Variants in DLG1 observed in about 807,000 individuals in gnomAD.
DLG1 encodes discs large MAGUK scaffold protein 1.
DLG1 carries 42 observed loss-of-function variants against 123.4 expected under a neutral mutation model. The ratio of observed to expected loss-of-function variants is 0.34; its 90% confidence interval spans 0.27 to 0.44. DLG1 has a LOEUF of 0.44. Ranked by LOEUF, DLG1 falls within the 20% of genes least tolerant of loss-of-function variation. DLG1 has a pLI of 1.00. For synonymous variants in DLG1, 317 were observed against 356.2 expected (o/e 0.89, Z 1.24); for missense variants, 942 against 1,082.6 (o/e 0.87, Z 1.82).
chr3:197,112,032 T>A (rs536215560), intron 13 of DLG1, among the ~76,000 whole-genome samples: 1 of 152,344 alleles, frequency 6.6e-6, no homozygotes, highest in East Asian at 1.9e-4. Flanking sequence ...TAAGATTAGA[T>A]GTATGTTTAA....
rs1721009646 is a variant in DLG1 at position 197,042,847 on chromosome 3, T to A, written c.*1776A>T. On this transcript the variant is annotated 3_prime_UTR_variant, in exon 25 of 25. Coordinates refer to ENST00000667157, the MANE Select transcript of DLG1 (RefSeq NM_001366207.1). The stretch of plus-strand genomic sequence containing the variant: ...CTCTTGGATTCGGTTATAAGTTACA[T>A]GATGCCTCAAATTGTTTCAAGAAAA... 1.3e-5 allele frequency: 2 copies of A among 152,162 alleles called. No individual in the cohort carries two copies. Among genetic ancestry groups the A allele is most frequent in the African/African-American group, 4.8e-5 (2 of 41,432 alleles). The allele number at this position is 152,162 out of a possible 1,614,324, so 9.4% of individuals were successfully genotyped here.
chr3:197,251,367 G>C (rs981883096), intron 4 of DLG1, among the ~76,000 whole-genome samples: 1 of 152,086 alleles, frequency 6.6e-6, no homozygotes, highest in African/African-American at 2.4e-5. Flanking sequence ...AACAAAGCTG[G>C]AGGCATCACG....
chr3:197,261,523 A>G (rs1759455971), intron 4 of DLG1, among the ~76,000 whole-genome samples: 1 of 152,230 alleles, frequency 6.6e-6, no homozygotes, highest in Admixed American at 6.5e-5. Flanking sequence ...ATTTTTGTCC[A>G]CAAAGTTTCC....
intron 5 of DLG1, among the ~76,000 whole-genome samples, chr3:197,187,746 A>G (rs937963947): frequency 6.6e-6 from 1 of 152,168 alleles, no homozygotes; most frequent in Non-Finnish European, 1.5e-5. Context: ...CTGTTCTAAC[A>G]ATTTTTCCTA....
intron 6 of DLG1, among the ~76,000 whole-genome samples, chr3:197,143,547 T>C (rs1789154493): frequency 6.6e-6 from 1 of 152,140 alleles, no homozygotes; most frequent in Non-Finnish European, 1.5e-5. Flanking sequence ...TGAGCCACCG[T>C]GCCTGGCAAC....
chr3:197,097,532 G>T (rs1281508853), intron 14 of DLG1, among the ~76,000 whole-genome samples: 1 of 151,044 alleles, frequency 6.6e-6, no homozygotes, highest in Non-Finnish European at 1.5e-5. Context: ...GGGAGAGGAG[G>T]AGTTTTGGGC....
At chr3:197,059,026 C>T (rs568111594) in intron 23 of DLG1, among the ~76,000 whole-genome samples, 2 of 152,150 alleles carry the variant, frequency 1.3e-5, no homozygotes, top group South Asian at 2.1e-4. Context: ...CCTGGGTTCA[C>T]GCCATTCTCC....
At chr3:197,264,022 A>G (rs896743798) in intron 4 of DLG1, among the ~76,000 whole-genome samples, 1 of 152,252 alleles carries the variant, frequency 6.6e-6, no homozygotes, top group Non-Finnish European at 1.5e-5. Context: ...ACCTGTAAGA[A>G]TAAGATGAAA....
intron 10 of DLG1, among the ~76,000 whole-genome samples, chr3:197,133,105 C>T (rs111557627): frequency 3.9e-5 from 6 of 152,290 alleles, no homozygotes; most frequent in African/African-American, 1.4e-4. Context: ...GGTATTCACA[C>T]CCTTGTAAAA....
At chr3:197,296,953 T>TG (rs57644562) in intron 2 of DLG1, 17,242 of 501,894 alleles carry the variant, frequency 0.034, 227 homozygotes, top group African/African-American at 0.058. Flanking sequence ...GGACATCTGT[T>TG]GGGGGGGGGC....
At chr3:197,106,287 T>TC (rs1478224305) in intron 13 of DLG1, among the ~76,000 whole-genome samples, 1 of 152,032 alleles carries the variant, frequency 6.6e-6, no homozygotes. Context: ...GTGCCTGTAG[T>TC]CCCAGCTACT....
chr3:197,272,571 T>G (rs1198150428), intron 4 of DLG1, among the ~76,000 whole-genome samples: 8 of 152,130 alleles, frequency 5.3e-5, no homozygotes, highest in African/African-American at 1.9e-4. Flanking sequence ...GAATGTTCAA[T>G]GCAACACTAA....
chr3:197,227,152 T>A (rs1740371646), intron 4 of DLG1, among the ~76,000 whole-genome samples: 1 of 152,206 alleles, frequency 6.6e-6, no homozygotes, highest in Admixed American at 6.5e-5. Flanking sequence ...AAGTACTACA[T>A]CTATATTGCA....
intron 14 of DLG1, among the ~76,000 whole-genome samples, chr3:197,101,169 C>T (rs946732553): frequency 4.6e-5 from 7 of 152,138 alleles, no homozygotes; most frequent in Non-Finnish European, 7.3e-5. Flanking sequence ...GGTTTTTCTT[C>T]GCTTAAAAGG....
At chr3:197,165,589 C>T (rs1360956954) in intron 5 of DLG1, among the ~76,000 whole-genome samples, 1 of 152,092 alleles carries the variant, frequency 6.6e-6, no homozygotes, top group African/African-American at 2.4e-5. Flanking sequence ...ACTCCAATCA[C>T]CATTTATATA....
chr3:197,218,646 G>A (rs1735269367), intron 4 of DLG1, among the ~76,000 whole-genome samples: 2 of 152,138 alleles, frequency 1.3e-5, no homozygotes, highest in Admixed American at 1.3e-4. Flanking sequence ...TACAGAGACC[G>A]TTCCCTATTG....
intron 4 of DLG1, among the ~76,000 whole-genome samples, chr3:197,235,532 A>G (rs2150675936): frequency 6.6e-6 from 1 of 152,292 alleles, no homozygotes. Context: ...ATCAGTGGAC[A>G]CTCCTAGACA....
rs1785020855 is a variant in DLG1, at chr3:197,136,283, T to C, written c.1020+259A>G. ...CATTGTTTTATAAACCTAAGGATTA[T>C]GATGAAACACTCTGTGCATACAAGC... On this transcript the variant is annotated intron_variant, in intron 10 of 24. Transcript: ENST00000667157. 3 of 332,264 alleles carry C rather than the reference T, an allele frequency of 9.0e-6. No homozygotes were observed. The East Asian group carries it at 1.6e-4, about 18-fold the overall frequency. The allele number at this position is 332,264 out of a possible 1,614,324, so 20.6% of individuals were successfully genotyped here.
At chr3:197,297,054 T>C in intron 2 of DLG1, 132 bp downstream of exon 2, 3 of 926,566 alleles carry the variant, frequency 3.2e-6, no homozygotes, top group South Asian at 2.9e-5. Flanking sequence ...GAGGCTTAGA[T>C]TCCCTAAGCA....
Sources: gnomAD v4.1 joint callset for allele counts (sites outside exome capture counted in the v4.1 genomes callset) on GRCh38, gnomAD v4.1.1 for gene constraint, MANE v1.5 for transcripts, NCBI Gene and HGNC (gene_info 2026-07-23, HGNC 2026-07-21) for gene names.